IHO1: variants seen among roughly 807,000 people sequenced by gnomAD.
IHO1 encodes the protein interactor of HORMAD1 1, also known as interactor of HORMAD1 protein 1.
IHO1 carries 13 observed loss-of-function variants against 31.0 expected under a neutral mutation model. The ratio of observed to expected loss-of-function variants is 0.42; its 90% CI spans 0.27 to 0.67. IHO1 has a LOEUF of 0.67. Ranked by LOEUF, IHO1 falls within the 30% of genes least tolerant of loss-of-function variation. The probability of loss-of-function intolerance (pLI) is 0.24; values close to 1 mark genes in which losing one functional copy is unlikely to be tolerated. For missense variants in IHO1, 599 were observed against 687.5 expected, an observed-to-expected ratio of 0.87 and a Z score of 1.44; for synonymous variants, 221 against 248.4, an observed-to-expected ratio of 0.89 and a Z score of 1.04.
intron 1 of IHO1, among the ~76,000 whole-genome samples, chr3:49,209,404 G>C (rs1348597700): frequency 6.6e-6 from 1 of 152,078 alleles, no homozygotes; most frequent in African/African-American, 2.4e-5. Context: ...GGAGGCCAAG[G>C]CAGGTGGATC....
intron 1 of IHO1, among the ~76,000 whole-genome samples, chr3:49,202,612 G>C (rs2046083709): frequency 2.0e-5 from 3 of 151,210 alleles, no homozygotes; most frequent in Admixed American, 6.6e-5. Flanking sequence ...TCCTGACCTC[G>C]TGATCTGCCC....
At chr3:49,232,132 C>T (rs2046490888) in intron 2 of IHO1, among the ~76,000 whole-genome samples, 1 of 152,166 alleles carries the variant, frequency 6.6e-6, no homozygotes, top group African/African-American at 2.4e-5. Context: ...AGATAATGCC[C>T]CAGGCTGTAC....
chr3:49,201,448 C>T (rs1168499687), intron 1 of IHO1, among the ~76,000 whole-genome samples: 6 of 151,974 alleles, frequency 3.9e-5, no homozygotes, highest in African/African-American at 1.4e-4. Flanking sequence ...CATGGTGAAA[C>T]CCTGTCTCTA....
upstream of IHO1, among the ~76,000 whole-genome samples, chr3:49,196,982 T>A (rs2046001789): frequency 7.7e-6 from 1 of 129,870 alleles, no homozygotes; most frequent in Non-Finnish European, 1.6e-5. Flanking sequence ...GTTTTTACTT[T>A]TTTTTTTTTT....
chr3:49,215,581 G>A (rs938807467), intron 2 of IHO1, among the ~76,000 whole-genome samples: 10 of 152,116 alleles, frequency 6.6e-5, no homozygotes, highest in African/African-American at 2.4e-4. Flanking sequence ...CCTGCTGCTC[G>A]CCACACAGAA....
chr3:49,224,092 C>T (rs542532569), intron 2 of IHO1, among the ~76,000 whole-genome samples: 17 of 152,260 alleles, frequency 1.1e-4, no homozygotes, highest in African/African-American at 3.8e-4. Flanking sequence ...TTTGGTGGAG[C>T]GTTTTAAGTA....
intron 3 of IHO1, among the ~76,000 whole-genome samples, chr3:49,239,953 GC>G (rs2046609785): frequency 6.6e-6 from 1 of 152,026 alleles, no homozygotes; most frequent in African/African-American, 2.4e-5. Context: ...AAGCCACTGT[GC>G]CCAGCCTGGG....
At chr3:49,202,023 G>T (rs1468983652) in intron 1 of IHO1, among the ~76,000 whole-genome samples, 2 of 152,048 alleles carry the variant, frequency 1.3e-5, no homozygotes, top group Non-Finnish European at 2.9e-5. Context: ...CATTAAACAA[G>T]AAATGTTTTC....
intron 2 of IHO1, among the ~76,000 whole-genome samples, chr3:49,228,155 G>T (rs552155499): frequency 6.6e-6 from 1 of 152,260 alleles, no homozygotes; most frequent in African/African-American, 2.4e-5. Flanking sequence ...TAGGATAGAT[G>T]GGTGAGTCTC....
At chr3:49,244,354 C>T in intron 4 of IHO1, 50 bp from the exon 5 acceptor site, 2 of 1,074,768 alleles carry the variant, frequency 1.9e-6, no homozygotes, top group Non-Finnish European at 2.9e-6. Flanking sequence ...TGTTACTTAT[C>T]ACTTCAATAT....
At chr3:49,207,777 C>CTT (rs11336926) in intron 1 of IHO1, among the ~76,000 whole-genome samples, 5 of 142,416 alleles carry the variant, frequency 3.5e-5, no homozygotes, top group African/African-American at 5.1e-5. Context: ...TATAATATTT[C>CTT]TTTTTTTTTT....
Position 49,256,429 on chromosome 3 carries a change from G to T in IHO1, c.932G>T (p.Gly311Val). ...ALPAAWNPGMGSLQPGEFDVW... is the reference protein window; with the variant it reads ...ALPAAWNPGMVSLQPGEFDVW... ...CCTGCTGCATGGAATCCTGGTATGGGCTCCCTACAGCCTGGAGAATTTGAT... is the reference window on the plus strand; with the variant it reads ...CCTGCTGCATGGAATCCTGGTATGGTCTCCCTACAGCCTGGAGAATTTGAT... Residue 311 changes from glycine to valine, a missense_variant, in exon 8 of 8, where the codon GGC becomes GTC. Coordinates refer to ENST00000452691, the MANE Select transcript of IHO1 (RefSeq NM_001135197.2). This position sits in a 1 kb window ranked among gnomAD's most constrained non-coding sequence, Gnocchi z 4.6. 6.2e-7 allele frequency: 1 copy of T among 1,614,146 alleles called. No homozygotes were observed. The highest frequency in any genetic ancestry group is 2.2e-5 in the East Asian group (1 of 44,878).
chr3:49,241,291 T>G lies in IHO1; in HGVS notation c.297T>G (p.Asp99Glu), dbSNP rs756323773. The change falls in exon 4 of 8, where the codon GAT (aspartate) becomes GAG (glutamate). Residue 99 changes from aspartate to glutamate, a missense_variant. Coordinates refer to ENST00000452691, the MANE Select transcript of IHO1 (RefSeq NM_001135197.2). ...KPQLFGGDIK[D>E]GGLFPPPLSV... ...AGCTGTTCGGAGGAGATATAAAAGA[T>G]GGAGGTTTATTTCCTCCTCCTTTGT... 3.1e-6 allele frequency: 5 copies of G among 1,613,692 alleles called. No individual in the cohort carries two copies.
rs566856837 is a variant in IHO1, at chr3:49,252,970, G to A, written c.533-2420G>A. 2.6e-5 allele frequency among the ~76,000 whole-genome samples: 4 copies of A among 151,774 alleles called. No individual in the cohort carries two copies. The South Asian group carries it at 8.3e-4, about 32-fold the overall frequency. On this transcript the variant is annotated intron_variant, in intron 6 of 7. Transcript: ENST00000452691. ...GGCAGGAGAATTGCTTGAACCCAGAGGCAGAGGTTGCAGTGAGCTGAGATT... is the reference window on the plus strand; with the variant it reads ...GGCAGGAGAATTGCTTGAACCCAGAAGCAGAGGTTGCAGTGAGCTGAGATT...
upstream of IHO1, among the ~76,000 whole-genome samples, chr3:49,196,771 C>T (rs1232038378): frequency 1.4e-4 from 21 of 148,920 alleles, no homozygotes; most frequent in African/African-American, 3.5e-4. Context: ...CCTGGGTTCA[C>T]GCCATTCTCC....
At chr3:49,241,419 A>C in intron 4 of IHO1, 30 bp downstream of exon 4, 1 of 1,565,828 alleles carries the variant, frequency 6.4e-7, no homozygotes, top group Admixed American at 2.0e-5. Flanking sequence ...GGATGAAAGA[A>C]CTCACCTTTT....
chr3:49,214,680 C>T (rs1156784867), intron 2 of IHO1, among the ~76,000 whole-genome samples: 2 of 92,914 alleles, frequency 2.2e-5, no homozygotes, highest in African/African-American at 8.2e-5. Flanking sequence ...ACTCTTGTTG[C>T]CCAGGCTGGA....
Position 49,256,981 on chromosome 3 carries a change from C to T in IHO1, c.1484C>T (p.Pro495Leu), listed in dbSNP as rs778581508. The change falls in exon 8 of 8, where the codon CCC becomes CTC. Residue 495 changes from proline (P) to leucine (L), a missense_variant. Transcript: ENST00000452691. This position sits in a 1 kb window ranked among gnomAD's most constrained non-coding sequence, Gnocchi z 4.6. ...AGCCCCTTCCTGGGGCAGCAGGAACCCCGTGCTCAGCCTCTGCATCTGCAG... is the reference window on the plus strand; with the variant it reads ...AGCCCCTTCCTGGGGCAGCAGGAACTCCGTGCTCAGCCTCTGCATCTGCAG... ...PQSPFLGQQE[P>L]RAQPLHLQCP... The T allele has an allele frequency of 1.4e-5, 23 of 1,614,086 alleles. No homozygotes were observed. Among genetic ancestry groups the T allele is most frequent in the Non-Finnish European group, 4.2e-6 (5 of 1,180,042 alleles).
At chr3:49,249,926 T>A (rs1002883968) in intron 6 of IHO1, among the ~76,000 whole-genome samples, 4 of 152,200 alleles carry the variant, frequency 2.6e-5, no homozygotes, top group Non-Finnish European at 4.4e-5. Flanking sequence ...CATCACAATC[T>A]GATCTCATCT....
Sources: allele counts gnomAD v4.1 joint callset (sites outside exome capture counted in the v4.1 genomes callset), GRCh38; gene constraint gnomAD v4.1.1; non-coding constraint Gnocchi (gnomAD v3.1); transcripts MANE v1.5; gene names NCBI Gene and HGNC (gene_info 2026-07-23, HGNC 2026-07-21).